PEX11A: variants seen among roughly 807,000 people sequenced by gnomAD.
PEX11A encodes the protein peroxisomal biogenesis factor 11 alpha, also known as peroxisomal membrane protein 11A.
Under a neutral mutation model 14.4 loss-of-function variants are expected in PEX11A, and 13 were observed. The observed-to-expected ratio is 0.90, with a 90% CI of 0.59 to 1.43. The LOEUF (loss-of-function observed/expected upper bound fraction) is 1.43, where lower values mean the gene tolerates loss of function less well. Ranked by LOEUF, PEX11A falls within the 40% of genes most tolerant of loss-of-function variation. The pLI is 0.00. For synonymous variants in PEX11A, 101 were observed against 113.0 expected (o/e 0.89, Z 0.67); for missense variants, 290 against 302.8 (o/e 0.96, Z 0.31).
chr15:89,686,326 A>T, intron 2 of PEX11A, 105 bp downstream of exon 2: 1 of 634,910 alleles, frequency 1.6e-6, no homozygotes, highest in South Asian at 1.9e-5. Context: ...AATAAACTTG[A>T]TTGACTAGAA....
At chr15:89,689,704 C>T (rs1964767382) in intron 1 of PEX11A, among the ~76,000 whole-genome samples, 1 of 152,200 alleles carries the variant, frequency 6.6e-6, no homozygotes, top group Admixed American at 6.5e-5. Context: ...TATTTCCCCC[C>T]AATCCAGTTG....
chr15:89,688,042 A>C, intron 1 of PEX11A: 2 of 537,940 alleles, frequency 3.7e-6, no homozygotes, highest in Non-Finnish European at 7.3e-6. Context: ...CAACACACTC[A>C]AGCTTTAGCA....
chr15:89,690,386 C>T (rs953190730), intron 1 of PEX11A, among the ~76,000 whole-genome samples, 191 bp downstream of exon 1: 1 of 152,102 alleles, frequency 6.6e-6, no homozygotes, highest in East Asian at 1.9e-4. Flanking sequence ...GACGCGGGTG[C>T]GTTGGGCCCA....
chr15:89,688,322 A>C, intron 1 of PEX11A: 3 of 326,806 alleles, frequency 9.2e-6, no homozygotes, highest in Admixed American at 3.6e-5. Context: ...AAGGTTATAC[A>C]GATCATCAAG....
intron 1 of PEX11A, among the ~76,000 whole-genome samples, chr15:89,690,076 G>A (rs1964784916): frequency 6.6e-6 from 1 of 152,176 alleles, no homozygotes; most frequent in Non-Finnish European, 1.5e-5. Context: ...AGGTTGCAGT[G>A]GGCCGAGACC....
chr15:89,690,681 C>T lies in PEX11A; in HGVS notation c.-49G>A. ...GTCGCACGGGGCTCAGGCGTGGGTCCTCTGGGGCCCGTCGGATCCCCAGGG... is the reference window on the plus strand; with the variant it reads ...GTCGCACGGGGCTCAGGCGTGGGTCTTCTGGGGCCCGTCGGATCCCCAGGG... On this transcript the variant is annotated 5_prime_UTR_variant, in exon 1 of 3. Transcript: ENST00000300056. 1.4e-6 allele frequency: 2 copies of T among 1,397,292 alleles called. No individual in the cohort carries two copies. Among genetic ancestry groups the T allele is most frequent in the Non-Finnish European group, 9.9e-7 (1 of 1,009,328 alleles). The allele number at this position is 1,397,292 out of a possible 1,614,324, so 86.6% of individuals were successfully genotyped here.
chr15:89,686,464 T>C lies in PEX11A; in HGVS notation c.139A>G (p.Lys47Glu). 1 of 1,597,460 alleles carries C rather than the reference T, an allele frequency of 6.3e-7. No homozygotes were observed. The highest frequency in any genetic ancestry group is 2.2e-5 in the East Asian group (1 of 44,806). Residue 47 changes from lysine to glutamate, a missense_variant, in exon 2 of 3, where the codon AAA (lysine) becomes GAA (glutamate). Lys to Glu is a moderately conservative substitution (Grantham distance 56). Transcript: ENST00000300056. ...CCAGTGCTCACACTGGACTCCAGTT[T>C]CTTGAGCTTCATTACCACCTTCTCT... ...GKEKVVMKLKKLESSVSTGRK... is the reference protein window; with the variant it reads ...GKEKVVMKLKELESSVSTGRK...
chr15:89,690,046 C>T (rs1183716100), intron 1 of PEX11A, among the ~76,000 whole-genome samples: 1 of 152,082 alleles, frequency 6.6e-6, no homozygotes, highest in Non-Finnish European at 1.5e-5. Context: ...GCAGGAGAAT[C>T]GCTTGAACCC....
At chr15:89,688,539 T>C (rs11629505) in intron 1 of PEX11A, among the ~76,000 whole-genome samples, 128,468 of 151,004 alleles carry the variant, frequency 0.85, 55,784 homozygotes, top group Middle Eastern at 0.95. Flanking sequence ...ATTACAGGCA[T>C]GTGCCATCAC....
intron 1 of PEX11A, among the ~76,000 whole-genome samples, chr15:89,687,566 A>C (rs1487330692): frequency 6.6e-6 from 1 of 152,184 alleles, no homozygotes; most frequent in African/African-American, 2.4e-5. Flanking sequence ...CACACATCCA[A>C]ATCCATTTGG....
intron 1 of PEX11A, among the ~76,000 whole-genome samples, chr15:89,688,613 GA>G (rs1964717849): frequency 6.6e-6 from 1 of 151,982 alleles, no homozygotes; most frequent in South Asian, 2.1e-4. Flanking sequence ...GGCTGGTCCC[GA>G]ACTCCTGACC....
At position 89,682,079 on chromosome 15, in the gene PEX11A, G is replaced by T. The variant is rs1433818932; in HGVS notation, c.*1298C>A. On this transcript the variant is annotated 3_prime_UTR_variant, in exon 3 of 3. Transcript: ENST00000300056. ...ACTCTCTTACATCTGGAGTATTCAT[G>T]AAATTTTTTTGACTGGATAAATTTT... The T allele has an allele frequency of 1.3e-5, 2 of 152,306 alleles. No individual in the cohort carries two copies. Among genetic ancestry groups the T allele is most frequent in the African/African-American group, 4.8e-5 (2 of 41,434 alleles). 9.4% of individuals were successfully genotyped at this position (152,306 alleles called of 1,614,324 possible).
chr15:89,684,068 C>T (rs1378888080), intron 2 of PEX11A, 120 bp from the exon 3 acceptor site: 1 of 684,116 alleles, frequency 1.5e-6, no homozygotes, highest in Non-Finnish European at 2.5e-6. Context: ...CAGGGTCTTG[C>T]TCTGTCACAC....
intron 1 of PEX11A, among the ~76,000 whole-genome samples, chr15:89,688,860 C>T (rs1228725108): frequency 6.6e-6 from 1 of 151,912 alleles, no homozygotes; most frequent in African/African-American, 2.4e-5. Context: ...GGACTGCAGG[C>T]GCCCACCACA....
chr15:89,684,014 T>C, intron 2 of PEX11A, 66 bp from the exon 3 acceptor site: 1 of 1,190,744 alleles, frequency 8.4e-7, no homozygotes, highest in Non-Finnish European at 1.2e-6. Context: ...ATAGAATCCC[T>C]GTATCAGGGT....
chr15:89,683,274 A>G lies in PEX11A; in HGVS notation c.*103T>C. 1.2e-6 allele frequency: 1 copy of G among 816,340 alleles called. No homozygotes were observed. The highest frequency in any genetic ancestry group is 2.0e-6 in the Non-Finnish European group (1 of 499,744). 50.6% of individuals were successfully genotyped at this position (816,340 alleles called of 1,614,324 possible). ...AGGTTGTTAAATGCTCACATGAACA[A>G]GAACTTAAGCACAGTATGACATGGC... On this transcript the variant is annotated 3_prime_UTR_variant, in exon 3 of 3. Coordinates refer to ENST00000300056, the MANE Select transcript of PEX11A (RefSeq NM_003847.3).
intron 2 of PEX11A, among the ~76,000 whole-genome samples, chr15:89,684,374 C>T (rs1013781876): frequency 1.3e-5 from 2 of 152,308 alleles, no homozygotes; most frequent in East Asian, 3.9e-4. Flanking sequence ...TGTTGACTGA[C>T]GGCATACTCC....
At chr15:89,688,537 C>A (rs1398999659) in intron 1 of PEX11A, among the ~76,000 whole-genome samples, 1 of 151,578 alleles carries the variant, frequency 6.6e-6, no homozygotes, top group East Asian at 1.9e-4. Context: ...GGATTACAGG[C>A]ATGTGCCATC....
chr15:89,684,915 C>T (rs1971840), intron 2 of PEX11A, among the ~76,000 whole-genome samples: 2 of 151,924 alleles, frequency 1.3e-5, no homozygotes, highest in African/African-American at 4.8e-5. Flanking sequence ...AGGGGCTGGG[C>T]GCGGTGGCTT....
Sources: allele counts gnomAD v4.1 joint callset (sites outside exome capture counted in the v4.1 genomes callset), GRCh38; gene constraint gnomAD v4.1.1; transcripts MANE v1.5; gene names NCBI Gene and HGNC (gene_info 2026-07-23, HGNC 2026-07-21).